The following OSBPL1A variants were observed in gnomAD, a reference collection of about 807,000 sequenced individuals.
The protein encoded by OSBPL1A is oxysterol-binding protein-related protein 1.
In OSBPL1A, 80 loss-of-function variants were observed where a neutral mutation model predicts 137.1. The ratio of observed to expected loss-of-function variants is 0.58; its 90% confidence interval spans 0.49 to 0.70. The LOEUF is 0.70. Among genes scored for constraint, OSBPL1A ranks in the 30% least tolerant of loss-of-function variants. The pLI, the probability that OSBPL1A is intolerant of heterozygous loss-of-function variation, is 0.00. For synonymous variants in OSBPL1A, 365 were observed against 389.7 expected, an observed-to-expected ratio of 0.94 and a Z score of 0.75; for missense variants, 970 against 1,129.4, an observed-to-expected ratio of 0.86 and a Z score of 2.02.
At chr18:24,179,622 T>A in intron 20 of OSBPL1A, 116 bp downstream of exon 20, 1 of 816,774 alleles carries the variant, frequency 1.2e-6, no homozygotes, top group Non-Finnish European at 2.0e-6. Flanking sequence ...GAAACAAACA[T>A]CAAAATTGTT....
chr18:24,315,672 A>G (rs1276057758), intron 11 of OSBPL1A, among the ~76,000 whole-genome samples: 2 of 130,386 alleles, frequency 1.5e-5, no homozygotes, highest in Non-Finnish European at 3.1e-5. Flanking sequence ...TATAATATAT[A>G]ATATATAATA....
chr18:24,384,010 G>A (rs1487016912), intron 1 of OSBPL1A, among the ~76,000 whole-genome samples: 1 of 152,170 alleles, frequency 6.6e-6, no homozygotes, highest in Non-Finnish European at 1.5e-5. Flanking sequence ...AATGTACACA[G>A]AACAGTGGCT....
rs1359550913 is a variant in OSBPL1A, at chr18:24,178,165, T to C, written c.1941A>G (p.Glu647=). The C allele has an allele frequency of 6.2e-7, 1 of 1,608,566 alleles. No individual in the cohort carries two copies. The change falls in exon 21 of 28, where the codon GAA becomes GAG. Residue 647 remains glutamate (E), a synonymous_variant. Coordinates refer to ENST00000319481, the MANE Select transcript of OSBPL1A (RefSeq NM_080597.4). ...RDDLGFRLIS[E]QVSHHPPISA... ...TGATTGGTGGGTGATGGCTGACCTG[T>C]TCGGAGATGAGTCTAAATCCAAGGT...
At chr18:24,260,564 A>T (rs751718128) in intron 15 of OSBPL1A, among the ~76,000 whole-genome samples, 9 of 152,234 alleles carry the variant, frequency 5.9e-5, no homozygotes, top group Non-Finnish European at 8.8e-5. Context: ...CACATATTGT[A>T]TAATTCCATT....
At chr18:24,313,422 A>AGACTCTGTCTC (rs2090662610) in intron 12 of OSBPL1A, among the ~76,000 whole-genome samples, 1 of 88,772 alleles carries the variant, frequency 1.1e-5, no homozygotes. Context: ...GCCTGGGCGG[A>AGACTCTGTCTC]AAAAAAAAAA....
At chr18:24,369,542 C>T (rs192301876) in intron 2 of OSBPL1A, among the ~76,000 whole-genome samples, 1 of 152,042 alleles carries the variant, frequency 6.6e-6, no homozygotes, top group Admixed American at 6.6e-5. Flanking sequence ...GATAGCAGTA[C>T]CTCACTTACA....
intron 17 of OSBPL1A, among the ~76,000 whole-genome samples, chr18:24,207,640 T>A (rs772885048): frequency 8.5e-5 from 13 of 152,204 alleles, no homozygotes; most frequent in Non-Finnish European, 1.8e-4. Context: ...AACTACAACA[T>A]TGACAATCTG....
chr18:24,224,274 A>T (rs2087992437), intron 17 of OSBPL1A, among the ~76,000 whole-genome samples: 2 of 152,206 alleles, frequency 1.3e-5, no homozygotes, highest in Non-Finnish European at 2.9e-5. Flanking sequence ...TTAGAGTTAC[A>T]CAACCTACAA....
chr18:24,368,155 G>A (rs1327203737), intron 3 of OSBPL1A, 132 bp downstream of exon 3: 10 of 530,710 alleles, frequency 1.9e-5, no homozygotes, highest in Non-Finnish European at 3.4e-5. Context: ...GAACAATTAA[G>A]TGTCTTGAAT....
rs1406965608 is a variant in OSBPL1A at position 24,253,309 on chromosome 18, A to T, written c.1282-13927T>A. 2.6e-5 allele frequency among the ~76,000 whole-genome samples: 4 copies of T among 152,314 alleles called. 1 individual carries two copies. The East Asian group carries it at 7.7e-4, about 29-fold the overall frequency. ...TTTCCATGTCCATGGAAACCAAAAA[A>T]GAGTAGGAGTAGCTATAATTATATC... On this transcript the variant is annotated intron_variant, in intron 15 of 27. Coordinates refer to ENST00000319481, the MANE Select transcript of OSBPL1A (RefSeq NM_080597.4).
intron 17 of OSBPL1A, among the ~76,000 whole-genome samples, chr18:24,216,948 T>A (rs185828772): frequency 1.3e-5 from 2 of 152,270 alleles, no homozygotes; most frequent in East Asian, 3.9e-4. Context: ...AAACAAATGA[T>A]GTAAGCCTGA....
At chr18:24,193,805 T>C (rs543844085) in intron 18 of OSBPL1A, among the ~76,000 whole-genome samples, 2 of 152,354 alleles carry the variant, frequency 1.3e-5, no homozygotes, top group African/African-American at 4.8e-5. Context: ...ATTCAGAACA[T>C]TCTATGGAAC....
chr18:24,178,270 A>C (rs1409649818), intron 20 of OSBPL1A, 75 bp from the exon 21 acceptor site: 6 of 1,282,072 alleles, frequency 4.7e-6, no homozygotes. Context: ...ACATGTACAT[A>C]ATTGCCCTTT....
At chr18:24,353,710 C>A (rs1039299985) in intron 4 of OSBPL1A, among the ~76,000 whole-genome samples, 71 of 151,670 alleles carry the variant, frequency 4.7e-4, no homozygotes, top group Non-Finnish European at 9.4e-4. Context: ...AAATGTGGCA[C>A]ATATACACCA....
At chr18:24,202,524 C>G (rs1340456283) in intron 17 of OSBPL1A, among the ~76,000 whole-genome samples, 2 of 152,132 alleles carry the variant, frequency 1.3e-5, no homozygotes. Flanking sequence ...TAACTTATCC[C>G]AAGTCTAACA....
intron 7 of OSBPL1A, among the ~76,000 whole-genome samples, chr18:24,330,915 C>G (rs959465338): frequency 2.0e-5 from 3 of 152,168 alleles, no homozygotes; most frequent in Non-Finnish European, 4.4e-5. Flanking sequence ...CTGCTTCAGC[C>G]TCCCGAGTAG....
At chr18:24,272,163 C>T (rs1427402792) in intron 15 of OSBPL1A, 46 of 983,882 alleles carry the variant, frequency 4.7e-5, no homozygotes, top group East Asian at 3.4e-4. Context: ...ACGTGAGTGC[C>T]GCGCCGAGGC....
rs1324078081 is a variant in OSBPL1A, at chr18:24,310,638, GA to G, written c.1092+1345del. The stretch of plus-strand genomic sequence containing the variant: ...AAAAAGAAAAGAAAAAAAAAAAGAA[GA>G]AATATTTTTAATGGTATGTAAGTTA... On this transcript the variant is annotated intron_variant, in intron 13 of 27. Coordinates refer to ENST00000319481, the MANE Select transcript of OSBPL1A (RefSeq NM_080597.4). Among the ~76,000 whole-genome samples, 7 of 144,916 alleles carry G rather than the reference GA, an allele frequency of 4.8e-5. No homozygotes were observed. In the South Asian group the frequency reaches 1.3e-3, roughly 28 times the overall value.
Position 24,271,885 on chromosome 18 carries a change from C to T in OSBPL1A, c.1281+8957G>A. Reference sequence around the variant, plus strand: ...TTGCCCGCCAGCGGCCCAGGACTCCCGCGCCGCGCCCGCCCGGGCCGCAGA... The same window carrying T: ...TTGCCCGCCAGCGGCCCAGGACTCCTGCGCCGCGCCCGCCCGGGCCGCAGA... On this transcript the variant is annotated intron_variant, in intron 15 of 27. Transcript: ENST00000319481. This position sits in a 1 kb window ranked among gnomAD's most constrained non-coding sequence, Gnocchi z 4.0. 1.0e-6 allele frequency: 1 copy of T among 984,786 alleles called. No individual in the cohort carries two copies. The highest frequency in any genetic ancestry group is 1.2e-6 in the Non-Finnish European group (1 of 829,780). The allele number at this position is 984,786 out of a possible 1,614,324, so 61.0% of individuals were successfully genotyped here.
Sources: gnomAD v4.1 joint callset for allele counts (sites outside exome capture counted in the v4.1 genomes callset) on GRCh38, gnomAD v4.1.1 for gene constraint, Gnocchi (gnomAD v3.1) non-coding constraint, MANE v1.5 for transcripts, NCBI Gene and HGNC (gene_info 2026-07-23, HGNC 2026-07-21) for gene names.